The following SUGCT variants were observed in gnomAD, a reference collection of about 807,000 sequenced individuals.
The protein encoded by SUGCT is succinyl-CoA:glutarate-CoA transferase.
A neutral mutation model predicts 55.0 loss-of-function variants in SUGCT; 41 were observed. The ratio of observed to expected loss-of-function variants is 0.74; its 90% CI spans 0.58 to 0.97. SUGCT has a LOEUF of 0.97. Ranked by LOEUF, SUGCT falls within the 50% of genes least tolerant of loss-of-function variation. SUGCT has a pLI of 0.00. For synonymous variants in SUGCT, 187 were observed against 200.4 expected, an observed-to-expected ratio of 0.93 and a Z score of 0.56; for missense variants, 568 against 547.8, an observed-to-expected ratio of 1.04 and a Z score of -0.37.
At chr7:40,672,103 T>C (rs1801969262) in intron 12 of SUGCT, among the ~76,000 whole-genome samples, 1 of 152,178 alleles carries the variant, frequency 6.6e-6, no homozygotes, top group African/African-American at 2.4e-5. Context: ...TTTTAACAAA[T>C]GGTGCTGGAG....
At chr7:40,377,535 G>A (rs867984526) in intron 9 of SUGCT, among the ~76,000 whole-genome samples, 22 of 152,004 alleles carry the variant, frequency 1.4e-4, no homozygotes, top group Middle Eastern at 3.4e-3. Context: ...GAGCTACCAC[G>A]CCCGGACTTC....
intron 10 of SUGCT, among the ~76,000 whole-genome samples, chr7:40,452,895 G>T (rs1163892301): frequency 6.6e-6 from 1 of 152,164 alleles, no homozygotes; most frequent in Admixed American, 6.5e-5. Context: ...TGTATTAAAA[G>T]ACTTTGAAAA....
chr7:40,205,891 G>T (rs952119117), intron 6 of SUGCT, among the ~76,000 whole-genome samples: 2 of 152,034 alleles, frequency 1.3e-5, no homozygotes, highest in Non-Finnish European at 2.9e-5. Flanking sequence ...CAAAGAGATC[G>T]CCTGGGCCTA....
At chr7:40,962,412 C>T in the SUGCT span, among the ~76,000 whole-genome samples, 1 of 152,132 alleles carries the variant, frequency 6.6e-6, no homozygotes, top group Non-Finnish European at 1.5e-5. Context: ...CTGGCTTCAC[C>T]TCTCAGAAAG....
At chr7:40,295,884 C>CT (rs1189987084) in intron 8 of SUGCT, among the ~76,000 whole-genome samples, 1 of 152,168 alleles carries the variant, frequency 6.6e-6, no homozygotes. Flanking sequence ...GCATCCGTTT[C>CT]TTTTTGGAGG....
At chr7:40,754,861 T>C (rs1397069552) in intron 13 of SUGCT, among the ~76,000 whole-genome samples, 2 of 152,230 alleles carry the variant, frequency 1.3e-5, no homozygotes, top group African/African-American at 4.8e-5. Flanking sequence ...GTACATAGGA[T>C]AAAATGTTTT....
chr7:40,466,931 C>T (rs1325373345), intron 11 of SUGCT, among the ~76,000 whole-genome samples: 1 of 152,144 alleles, frequency 6.6e-6, no homozygotes, highest in Non-Finnish European at 1.5e-5. Context: ...GGGCCGGGCA[C>T]GGTGGCTTAC....
intron 13 of SUGCT, chr7:40,783,608 G>A (rs906507082): frequency 4.6e-5 from 7 of 152,128 alleles, no homozygotes; most frequent in Non-Finnish European, 1.0e-4. Flanking sequence ...CCCAGGTGGA[G>A]AGCCTGGGGG....
intron 12 of SUGCT, among the ~76,000 whole-genome samples, chr7:40,632,170 T>A (rs1177372730): frequency 1.3e-5 from 2 of 152,188 alleles, no homozygotes; most frequent in Non-Finnish European, 1.5e-5. Flanking sequence ...GATGACCTAT[T>A]CTTGTTTGAC....
At chr7:40,296,840 A>G (rs889088772) in intron 8 of SUGCT, among the ~76,000 whole-genome samples, 3 of 152,166 alleles carry the variant, frequency 2.0e-5, no homozygotes, top group Non-Finnish European at 4.4e-5. Context: ...ACCATCCTAT[A>G]TAGGCCTCTA....
At chr7:40,284,952 T>C (rs73689507) in intron 8 of SUGCT, among the ~76,000 whole-genome samples, 121 of 152,308 alleles carry the variant, frequency 7.9e-4, no homozygotes, top group African/African-American at 2.9e-3. Context: ...GAACATGCTC[T>C]GGTTCTGTAT....
chr7:40,708,160 A>T (rs1785519226), intron 12 of SUGCT, among the ~76,000 whole-genome samples: 1 of 152,186 alleles, frequency 6.6e-6, no homozygotes, highest in African/African-American at 2.4e-5. Context: ...GAGATATATT[A>T]GTACTATTGA....
chr7:40,942,170 C>G, the SUGCT span, among the ~76,000 whole-genome samples: 2 of 152,102 alleles, frequency 1.3e-5, no homozygotes, highest in African/African-American at 4.8e-5. Flanking sequence ...GAGTTTTATG[C>G]TTTCAAGAGG....
chr7:40,844,300 T>G, intron 13 of SUGCT, among the ~76,000 whole-genome samples: 1 of 152,014 alleles, frequency 6.6e-6, no homozygotes, highest in Non-Finnish European at 1.5e-5. Context: ...GTATCCAAGT[T>G]TTTGTCCAGT....
At chr7:40,730,759 A>T (rs186069591) in intron 12 of SUGCT, among the ~76,000 whole-genome samples, 34 of 152,198 alleles carry the variant, frequency 2.2e-4, no homozygotes, top group Admixed American at 1.6e-3. Flanking sequence ...ACTTTTTTAG[A>T]TCTCACATAT....
At chr7:40,400,566 A>G (rs1786009448) in intron 9 of SUGCT, among the ~76,000 whole-genome samples, 1 of 152,200 alleles carries the variant, frequency 6.6e-6, no homozygotes, top group African/African-American at 2.4e-5. Context: ...TATCTTCATG[A>G]GAGCCAACTT....
rs1304791001 is a variant in SUGCT, at chr7:40,688,435, A to G, written c.1090-60999A>G. Among the ~76,000 whole-genome samples the G allele has an allele frequency of 4.6e-5, 7 of 152,202 alleles. No homozygotes were observed. The South Asian group carries it at 8.3e-4, about 18-fold the overall frequency. ...GCCATGGCACTTCTATTTGTCTTGAAATTATATTTGTCGCTAAGATACCAT... is the reference window on the plus strand; with the variant it reads ...GCCATGGCACTTCTATTTGTCTTGAGATTATATTTGTCGCTAAGATACCAT... On this transcript the variant is annotated intron_variant, in intron 12 of 13. Transcript: ENST00000335693.
chr7:40,210,431 T>A (rs191811599), intron 6 of SUGCT, among the ~76,000 whole-genome samples: 13 of 152,244 alleles, frequency 8.5e-5, no homozygotes, highest in Admixed American at 6.5e-4. Flanking sequence ...ATACAATGAT[T>A]CCATTAAGCT....
intron 7 of SUGCT, among the ~76,000 whole-genome samples, chr7:40,249,390 A>C (rs1790203124): frequency 1.4e-5 from 2 of 142,764 alleles, no homozygotes; most frequent in South Asian, 4.3e-4. Context: ...ATTACATATA[A>C]TATAATAAAG....
Sources: gnomAD v4.1 joint callset for allele counts (sites outside exome capture counted in the v4.1 genomes callset) on GRCh38, gnomAD v4.1.1 for gene constraint, MANE v1.5 for transcripts, NCBI Gene and HGNC (gene_info 2026-07-23, HGNC 2026-07-21) for gene names.